The following FBXO11 variants were observed in gnomAD, a reference collection of about 807,000 sequenced individuals.
FBXO11 encodes the protein F-box only protein 11.
A neutral mutation model predicts 117.0 loss-of-function variants in FBXO11; 13 were observed. The observed-to-expected ratio is 0.11, with a 90% CI of 0.07 to 0.18. FBXO11 has a LOEUF of 0.18. Ranked by LOEUF, FBXO11 falls within the 10% of genes least tolerant of loss-of-function variation. The pLI, the probability that FBXO11 is intolerant of heterozygous loss-of-function variation, is 1.00. For synonymous variants in FBXO11, 490 were observed against 380.5 expected (o/e 1.29, Z -3.35); for missense variants, 767 against 1,164.4 (o/e 0.66, Z 4.97).
chr2:47,886,150 T>C (rs948502867), intron 1 of FBXO11, among the ~76,000 whole-genome samples: 2 of 152,158 alleles, frequency 1.3e-5, no homozygotes, highest in Non-Finnish European at 2.9e-5. Context: ...TTAAAATATA[T>C]TAATTATAAT....
At chr2:47,874,535 A>T (rs954104067) in intron 1 of FBXO11, among the ~76,000 whole-genome samples, 30 of 146,260 alleles carry the variant, frequency 2.1e-4, no homozygotes, top group African/African-American at 4.7e-4. Flanking sequence ...TACAAAATTT[A>T]AAAAAAAAAA....
intron 1 of FBXO11, among the ~76,000 whole-genome samples, chr2:47,893,804 G>C (rs984147474): frequency 6.6e-6 from 1 of 152,268 alleles, no homozygotes; most frequent in African/African-American, 2.4e-5. Flanking sequence ...AGACACAAAT[G>C]TCACCCTGAA....
Position 47,832,957 on chromosome 2 carries a change from G to A in FBXO11, c.1041+7C>T, listed in dbSNP as rs1384687675. 3 of 1,605,708 alleles carry A rather than the reference G, an allele frequency of 1.9e-6. No homozygotes were observed. In the African/African-American group the frequency reaches 4.0e-5, roughly 21 times the overall value. Reference sequence around the variant, plus strand: ...CAATGTGTATTTTAAATCTTAACATGTCTTACCCTTATTGTCATATATCCA... The same window carrying A: ...CAATGTGTATTTTAAATCTTAACATATCTTACCCTTATTGTCATATATCCA... On this transcript the variant is annotated splice_region_variant and intron_variant, in intron 8 of 22. Coordinates refer to ENST00000403359, the MANE Select transcript of FBXO11 (RefSeq NM_001190274.2).
At chr2:47,809,340 T>C in intron 20 of FBXO11, 74 bp from the exon 21 acceptor site, 5 of 974,258 alleles carry the variant, frequency 5.1e-6, no homozygotes, top group Non-Finnish European at 3.1e-6. Flanking sequence ...TATAGGATTA[T>C]TCTAACAGAA....
At chr2:47,890,466 C>A (rs754329947) in intron 1 of FBXO11, among the ~76,000 whole-genome samples, 1 of 152,104 alleles carries the variant, frequency 6.6e-6, no homozygotes, top group Non-Finnish European at 1.5e-5. Context: ...TACATGGGGA[C>A]TGTATCATCA....
At chr2:47,809,785 A>T in intron 19 of FBXO11, 78 bp from the exon 20 acceptor site, 1 of 888,722 alleles carries the variant, frequency 1.1e-6, no homozygotes, top group Non-Finnish European at 1.8e-6. Context: ...AAGCAAATGT[A>T]AACTGCTTCT....
At chr2:47,840,095 C>G (rs952434755) in intron 1 of FBXO11, among the ~76,000 whole-genome samples, 2 of 152,074 alleles carry the variant, frequency 1.3e-5, no homozygotes, top group Non-Finnish European at 2.9e-5. Flanking sequence ...AGGCGCCCGC[C>G]ACCACGCCCA....
chr2:47,864,361 G>A (rs1422708121), intron 1 of FBXO11, among the ~76,000 whole-genome samples: 1 of 152,190 alleles, frequency 6.6e-6, no homozygotes, highest in Non-Finnish European at 1.5e-5. Context: ...GCCAGGGCAG[G>A]CAGATCACCT....
In FBXO11 at chr2:47,905,538, T is replaced by TGGC. The variant is rs923188952; in HGVS notation, c.180_182dup (p.Pro66dup). ...CCTGAGGCAGCGGCGGAGGCGGCGG[T>TGGC]GGCGGCGGCGGAGGCTGCTGCTGCT... On this transcript the variant is annotated inframe_insertion, in exon 1 of 23. Transcript: ENST00000403359. 2.9e-5 allele frequency: 36 copies of TGGC among 1,234,924 alleles called. No homozygotes were observed. The highest frequency in any genetic ancestry group is 6.9e-5 in the East Asian group (2 of 28,912). 76.5% of individuals were successfully genotyped at this position (1,234,924 alleles called of 1,614,324 possible). A position where few individuals can be genotyped will look rare whatever the true frequency, so the allele number is the denominator to read the frequency against.
At chr2:47,890,235 A>C (rs79662097) in intron 1 of FBXO11, among the ~76,000 whole-genome samples, 8,355 of 152,204 alleles carry the variant, frequency 0.055, 247 homozygotes, top group Non-Finnish European at 0.069. Context: ...CCAAAATGCT[A>C]GGACTGCAGG....
chr2:47,841,692 G>C (rs1287373272), intron 1 of FBXO11, among the ~76,000 whole-genome samples: 1 of 152,106 alleles, frequency 6.6e-6, no homozygotes, highest in Non-Finnish European at 1.5e-5. Flanking sequence ...CCAGGCTGGA[G>C]TGCAGTGGCG....
At chr2:47,875,633 C>G (rs1279082201) in intron 1 of FBXO11, among the ~76,000 whole-genome samples, 1 of 151,872 alleles carries the variant, frequency 6.6e-6, no homozygotes, top group Non-Finnish European at 1.5e-5. Flanking sequence ...AAAAAAGGGT[C>G]TAATGGACTC....
At chr2:47,830,216 A>T (rs1208166874) in intron 11 of FBXO11, among the ~76,000 whole-genome samples, 1 of 152,182 alleles carries the variant, frequency 6.6e-6, no homozygotes, top group Non-Finnish European at 1.5e-5. Flanking sequence ...GAAAGAAAAA[A>T]ACCCAATGTG....
chr2:47,896,425 G>A (rs1490229379), intron 1 of FBXO11, among the ~76,000 whole-genome samples: 1 of 151,706 alleles, frequency 6.6e-6, no homozygotes, highest in Non-Finnish European at 1.5e-5. Flanking sequence ...GACCTCCCTG[G>A]CTCAGATGAT....
Position 47,906,468 on chromosome 2 carries a change from C to T in FBXO11, c.-748G>A, listed in dbSNP as rs1572945096. Reference sequence around the variant, plus strand: ...TGCTGCTGCTCCGTGGCAGGAGGAGCCATTGACACCGCCGGAGCCTCCACT... The same window carrying T: ...TGCTGCTGCTCCGTGGCAGGAGGAGTCATTGACACCGCCGGAGCCTCCACT... On this transcript the variant is annotated 5_prime_UTR_variant, in exon 1 of 23. Coordinates refer to ENST00000403359, the MANE Select transcript of FBXO11 (RefSeq NM_001190274.2). Among the ~76,000 whole-genome samples, 4 of 152,024 alleles carry T rather than the reference C, an allele frequency of 2.6e-5. No individual in the cohort carries two copies. In the South Asian group the frequency reaches 8.3e-4, roughly 32 times the overall value.
At chr2:47,896,141 T>C (rs944988300) in intron 1 of FBXO11, among the ~76,000 whole-genome samples, 1 of 152,164 alleles carries the variant, frequency 6.6e-6, no homozygotes, top group African/African-American at 2.4e-5. Context: ...ATTAGTCTTT[T>C]GAGTATTTTC....
intron 5 of FBXO11, among the ~76,000 whole-genome samples, chr2:47,835,460 T>C (rs1041019218): frequency 1.3e-5 from 2 of 152,198 alleles, no homozygotes; most frequent in East Asian, 3.8e-4. Context: ...AATTGCTGAA[T>C]ATTCTGTTGG....
At chr2:47,827,592 C>T (rs187387006) in intron 11 of FBXO11, among the ~76,000 whole-genome samples, 2 of 152,150 alleles carry the variant, frequency 1.3e-5, no homozygotes, top group African/African-American at 4.8e-5. Context: ...TAGGCATGAG[C>T]CACTGAACCC....
At chr2:47,874,380 C>T (rs1457497057) in intron 1 of FBXO11, among the ~76,000 whole-genome samples, 1 of 151,866 alleles carries the variant, frequency 6.6e-6, no homozygotes, top group Non-Finnish European at 1.5e-5. Context: ...TACCTGGGTC[C>T]AAAGGATGCC....
Sources: allele counts gnomAD v4.1 joint callset (sites outside exome capture counted in the v4.1 genomes callset), GRCh38; gene constraint gnomAD v4.1.1; transcripts MANE v1.5; gene names NCBI Gene and HGNC (gene_info 2026-07-23, HGNC 2026-07-21).